Variants in SEM1 observed in about 807,000 individuals in gnomAD.
SEM1 encodes 26S proteasome complex subunit SEM1.
In SEM1, 3 loss-of-function variants were observed where a neutral mutation model predicts 12.7. That is an observed-to-expected ratio of 0.24 (90% CI 0.11 to 0.61). The LOEUF is 0.61. Among genes scored for constraint, SEM1 ranks in the 20% least tolerant of loss-of-function variants. The pLI is 0.88. For synonymous variants in SEM1, 30 were observed against 27.8 expected, an observed-to-expected ratio of 1.08 and a Z score of -0.25; for missense variants, 59 against 81.3, an observed-to-expected ratio of 0.73 and a Z score of 1.06.
rs531540271 is a variant in SEM1 at position 96,495,821 on chromosome 7, G to C, written c.12+463C>G. On this transcript the variant is annotated intron_variant, in intron 1 of 3. Transcript: ENST00000356686. ...TACTTCTCTGGAGAGACCAGCAGAT[G>C]AAGGTCTTGTTTGAGAGGCACCAGG... Among the ~76,000 whole-genome samples the C allele has an allele frequency of 4.6e-5, 7 of 152,234 alleles. No homozygotes were observed. The South Asian group carries it at 1.5e-3, about 32-fold the overall frequency.
chr7:96,637,094 A>T (rs1235797930), intron 2 of SEM1: 2 of 152,074 alleles, frequency 1.3e-5, no homozygotes, highest in Non-Finnish European at 2.9e-5. Flanking sequence ...GGTTCCCCAC[A>T]TAGTCCTTAG....
chr7:96,595,342 A>G (rs916048753), intron 2 of SEM1, among the ~76,000 whole-genome samples: 2 of 152,018 alleles, frequency 1.3e-5, no homozygotes, highest in African/African-American at 2.4e-5. Context: ...GCAAAACCCC[A>G]TCTCTACAAA....
chr7:96,597,813 GC>G (rs1327603323), intron 2 of SEM1, among the ~76,000 whole-genome samples: 7 of 151,938 alleles, frequency 4.6e-5, no homozygotes, highest in Admixed American at 2.6e-4. Flanking sequence ...GTTATCTTCT[GC>G]CCATTGTTCA....
intron 2 of SEM1, among the ~76,000 whole-genome samples, chr7:96,509,296 C>T (rs1803858083): frequency 6.6e-6 from 1 of 151,452 alleles, no homozygotes; most frequent in Admixed American, 6.6e-5. Context: ...GTGAGCCACC[C>T]CTCCCAATCA....
intron 2 of SEM1, among the ~76,000 whole-genome samples, chr7:96,567,542 A>C (rs572590686): frequency 6.6e-6 from 1 of 151,548 alleles, no homozygotes; most frequent in South Asian, 2.1e-4. Flanking sequence ...TAAAGCAATG[A>C]GAAGTAATCA....
intron 2 of SEM1, among the ~76,000 whole-genome samples, chr7:96,638,663 C>T (rs1250704573): frequency 2.0e-5 from 3 of 151,796 alleles, no homozygotes; most frequent in South Asian, 2.1e-4. Context: ...ATTATTTCCC[C>T]ATAGTAATAA....
chr7:96,638,820 G>A (rs1017335780), intron 2 of SEM1, among the ~76,000 whole-genome samples: 8 of 151,502 alleles, frequency 5.3e-5, no homozygotes, highest in Non-Finnish European at 1.2e-4. Flanking sequence ...GTAATCTATT[G>A]GCATAAAAAG....
At chr7:96,668,884 A>T (rs1235978328), downstream of SEM1, among the ~76,000 whole-genome samples, 1 of 152,200 alleles carries the variant, frequency 6.6e-6, no homozygotes, top group African/African-American at 2.4e-5. Flanking sequence ...TGTCCCTATA[A>T]GAAGATGGCC....
intron 2 of SEM1, among the ~76,000 whole-genome samples, chr7:96,616,756 T>C (rs1807733942): frequency 6.6e-6 from 1 of 152,200 alleles, no homozygotes; most frequent in Non-Finnish European, 1.5e-5. Context: ...AGTTTCATTA[T>C]TCTACATATG....
intron 2 of SEM1, among the ~76,000 whole-genome samples, chr7:96,612,969 T>TGG (rs61517046): frequency 1.8e-3 from 2 of 1,108 alleles, no homozygotes; most frequent in Non-Finnish European, 7.6e-3. Context: ...AAATTAAAAC[T>TGG]TTTTTAAATG....
At chr7:96,524,310 A>G (rs1248557813) in intron 2 of SEM1, among the ~76,000 whole-genome samples, 2 of 152,164 alleles carry the variant, frequency 1.3e-5, no homozygotes, top group Admixed American at 1.3e-4. Flanking sequence ...AAAGCTGCTC[A>G]ATAGAACTCC....
chr7:96,571,064 T>C (rs1054395582), intron 2 of SEM1, among the ~76,000 whole-genome samples: 5 of 152,154 alleles, frequency 3.3e-5, no homozygotes, highest in Non-Finnish European at 1.5e-5. Context: ...TGTTATTTTC[T>C]TGTAAATTTG....
rs1166596998 is a variant in SEM1, at chr7:96,640,288, C to G, written c.171-17645G>C. ...CTTGCACACACACGTTTATTGCAGG[C>G]TTATTCATAATTTTGCAAATATTTG... is the stretch of plus-strand genomic sequence containing the variant. On this transcript the variant is annotated intron_variant, in intron 2 of 2. Coordinates refer to the SEM1 transcript ENST00000417009. The surrounding 1 kb of genome is among the most constrained non-coding windows in gnomAD (Gnocchi z 4.0). Among the ~76,000 whole-genome samples the G allele has an allele frequency of 1.3e-5, 2 of 151,952 alleles. No homozygotes were observed. The highest frequency in any genetic ancestry group is 4.8e-5 in the African/African-American group (2 of 41,398).
rs953979072 is a variant in SEM1 at position 96,704,550 on chromosome 7, T to G, written c.76+5138A>C. On this transcript the variant is annotated intron_variant, in intron 1 of 2. Coordinates refer to ENST00000248566, the MANE Select transcript of SEM1 (RefSeq NM_006304.2). ...ATTCTATCCTGGGGTTCAAAAACTT[T>G]CTTCTTGCACACAATTATCAAAAAT... Among the ~76,000 whole-genome samples the G allele has an allele frequency of 3.3e-5, 5 of 152,314 alleles. No homozygotes were observed. The East Asian group carries it at 7.7e-4, about 24-fold the overall frequency.
chr7:96,584,956 C>T (rs1160915550), intron 2 of SEM1, among the ~76,000 whole-genome samples: 3 of 151,482 alleles, frequency 2.0e-5, no homozygotes, highest in Non-Finnish European at 4.4e-5. Flanking sequence ...CTGAAGCCTT[C>T]TTCTCTCAGC....
chr7:96,525,948 A>G (rs950118998), intron 2 of SEM1, among the ~76,000 whole-genome samples: 1 of 152,110 alleles, frequency 6.6e-6, no homozygotes, highest in Non-Finnish European at 1.5e-5. Context: ...CCCTGGTGCC[A>G]AAAAGGTTGG....
chr7:96,506,199 T>C (rs1584720217), intron 3 of SEM1, among the ~76,000 whole-genome samples: 1 of 152,228 alleles, frequency 6.6e-6, no homozygotes, highest in African/African-American at 2.4e-5. Flanking sequence ...GATCATCTTG[T>C]ATATTTCTTG....
intron 1 of SEM1, among the ~76,000 whole-genome samples, chr7:96,488,436 T>C (rs142504213): frequency 8.3e-4 from 127 of 152,254 alleles, no homozygotes; most frequent in African/African-American, 3.0e-3. Flanking sequence ...CTTTTTACCT[T>C]AATGCTTGTG....
intron 2 of SEM1, among the ~76,000 whole-genome samples, chr7:96,575,546 G>A (rs1806175525): frequency 1.3e-5 from 2 of 152,332 alleles, no homozygotes; most frequent in African/African-American, 4.8e-5. Context: ...GAACATTTAC[G>A]TCTGCTGAAG....
Sources: allele counts gnomAD v4.1 joint callset (sites outside exome capture counted in the v4.1 genomes callset), GRCh38; gene constraint gnomAD v4.1.1; non-coding constraint Gnocchi (gnomAD v3.1); transcripts MANE v1.5; gene names NCBI Gene and HGNC (gene_info 2026-07-23, HGNC 2026-07-21).